TP63: variants seen among roughly 807,000 people sequenced by gnomAD.
TP63 encodes tumor protein 63.
In TP63, 17 loss-of-function variants were observed where a neutral mutation model predicts 82.8. The ratio of observed to expected loss-of-function variants is 0.21; its 90% confidence interval spans 0.14 to 0.31. The LOEUF (loss-of-function observed/expected upper bound fraction) is 0.31, where lower values mean the gene tolerates loss of function less well. Ranked by LOEUF, TP63 falls within the 10% of genes least tolerant of loss-of-function variation. The pLI, the probability that TP63 is intolerant of heterozygous loss-of-function variation, is 1.00. For missense variants in TP63, 648 were observed against 895.3 expected, an observed-to-expected ratio of 0.72 and a Z score of 3.52; for synonymous variants, 330 against 321.7, an observed-to-expected ratio of 1.03 and a Z score of -0.28.
chr3:189,749,087 A>T (rs944786598), intron 3 of TP63, among the ~76,000 whole-genome samples: 1 of 152,140 alleles, frequency 6.6e-6, no homozygotes, highest in Non-Finnish European at 1.5e-5. Flanking sequence ...AGAAGAAAAC[A>T]TAGAACACTT....
chr3:189,744,215 G>T, intron 3 of TP63, among the ~76,000 whole-genome samples: 1 of 152,260 alleles, frequency 6.6e-6, no homozygotes, highest in East Asian at 1.9e-4. Flanking sequence ...ATTTTCATGT[G>T]CCTCAGGACA....
intron 3 of TP63, among the ~76,000 whole-genome samples, chr3:189,796,825 T>C (rs558004047): frequency 6.6e-6 from 1 of 152,206 alleles, no homozygotes; most frequent in Admixed American, 6.5e-5. Context: ...ATTATAAATT[T>C]CTTATTTCTA....
chr3:189,682,575 T>A (rs200215742), intron 1 of TP63, among the ~76,000 whole-genome samples: 1,734 of 61,560 alleles, frequency 0.028, 52 homozygotes, highest in Middle Eastern at 0.079. Flanking sequence ...TATATATATA[T>A]ATATATATAT....
chr3:189,847,589 T>G (rs184607761), intron 4 of TP63, among the ~76,000 whole-genome samples: 172 of 152,290 alleles, frequency 1.1e-3, no homozygotes, highest in Admixed American at 0.011. Context: ...TCACAGTATT[T>G]TATTTCTGAT....
chr3:189,813,766 A>G (rs1201157598), intron 4 of TP63, among the ~76,000 whole-genome samples: 1 of 152,218 alleles, frequency 6.6e-6, no homozygotes, highest in Non-Finnish European at 1.5e-5. Flanking sequence ...TCCAGCACAC[A>G]GTAAACCTTT....
chr3:189,667,830 A>G (rs149625368), intron 1 of TP63, among the ~76,000 whole-genome samples: 5,870 of 152,214 alleles, frequency 0.039, 142 homozygotes, highest in Middle Eastern at 0.054. Flanking sequence ...CCTGGTCCCT[A>G]TAATCTCTGT....
rs1721439540 is a variant in TP63 at position 189,896,012 on chromosome 3, A to G, written c.*1510A>G. 4.4e-6 allele frequency: 1 copy of G among 229,422 alleles called. No homozygotes were observed. Among genetic ancestry groups the G allele is most frequent in the African/African-American group, 2.2e-5 (1 of 45,120 alleles). The allele number at this position is 229,422 out of a possible 1,614,324, so 14.2% of individuals were successfully genotyped here. ...AGTCTTTCATGGCTGCTGTTGCTTAAACCACTTAAACGAAGAGTTCCCTTG... is the reference window on the plus strand; with the variant it reads ...AGTCTTTCATGGCTGCTGTTGCTTAGACCACTTAAACGAAGAGTTCCCTTG... On this transcript the variant is annotated 3_prime_UTR_variant, in exon 14 of 14. Transcript: ENST00000264731.
intron 10 of TP63, chr3:189,880,450 G>A (rs1719791330): frequency 9.4e-7 from 1 of 1,063,328 alleles, no homozygotes; most frequent in East Asian, 6.3e-5. Context: ...TTGTCTGTGA[G>A]CTTTCTGTTG....
intron 1 of TP63, among the ~76,000 whole-genome samples, chr3:189,717,752 C>CT: frequency 6.6e-6 from 1 of 152,172 alleles, no homozygotes; most frequent in Non-Finnish European, 1.5e-5. Flanking sequence ...AAGCCCTTTC[C>CT]TTTAAAGCAG....
chr3:189,688,944 C>T (rs1271888209), intron 1 of TP63, among the ~76,000 whole-genome samples: 4 of 151,998 alleles, frequency 2.6e-5, no homozygotes, highest in Non-Finnish European at 4.4e-5. Context: ...TTTACAATGG[C>T]AGCGACTAAG....
upstream of TP63, among the ~76,000 whole-genome samples, chr3:189,628,525 T>C (rs1729368543): frequency 6.6e-6 from 1 of 152,074 alleles, no homozygotes; most frequent in Admixed American, 6.6e-5. Flanking sequence ...CACCTTTCCT[T>C]CCTTAAGTAC....
rs73057211 is a variant in TP63, at chr3:189,785,492, T to C, written c.325-22780T>C. Among the ~76,000 whole-genome samples the C allele has an allele frequency of 4.6e-3, 701 of 152,206 alleles. 1 individual carries two copies. Among genetic ancestry groups the C allele is most frequent in the African/African-American group, 0.016 (663 of 41,540 alleles). ...TGCTTTTATTTATATTCATATAAAA[T>C]AAGAGAAGGTTTAACTTCAACTAGG... On this transcript the variant is annotated intron_variant, in intron 3 of 13. Coordinates refer to ENST00000264731, the MANE Select transcript of TP63 (RefSeq NM_003722.5).
At chr3:189,718,884 AC>A (rs1719161558) in intron 1 of TP63, among the ~76,000 whole-genome samples, 1 of 152,174 alleles carries the variant, frequency 6.6e-6, no homozygotes, top group African/African-American at 2.4e-5. Context: ...AAACAAAAAA[AC>A]AATGTAGCCT....
chr3:189,878,370 A>C (rs1181209028), intron 10 of TP63, among the ~76,000 whole-genome samples: 3 of 147,316 alleles, frequency 2.0e-5, no homozygotes, highest in Non-Finnish European at 4.5e-5. Context: ...GAACTACACA[A>C]GCTTTTACAG....
the TP63 span, among the ~76,000 whole-genome samples, chr3:189,619,141 T>A: frequency 1.3e-5 from 2 of 152,238 alleles, no homozygotes; most frequent in Non-Finnish European, 2.9e-5. Flanking sequence ...GGTATATTAT[T>A]CATGCTTTAC....
At chr3:189,710,740 CAG>C (rs1168870361) in intron 1 of TP63, among the ~76,000 whole-genome samples, 1 of 152,162 alleles carries the variant, frequency 6.6e-6, no homozygotes, top group African/African-American at 2.4e-5. Context: ...GGTGATTCAA[CAG>C]AGTCAGGGAA....
intron 3 of TP63, among the ~76,000 whole-genome samples, chr3:189,765,722 C>T (rs1015792658): frequency 6.6e-6 from 1 of 151,464 alleles, no homozygotes; most frequent in East Asian, 2.0e-4. Context: ...CGTGAGCCAC[C>T]GCGCCCGGCC....
intron 4 of TP63, among the ~76,000 whole-genome samples, chr3:189,844,656 A>G (rs568026009): frequency 6.6e-6 from 1 of 152,284 alleles, no homozygotes; most frequent in South Asian, 2.1e-4. Flanking sequence ...TTTTCAAGTG[A>G]GTTTTTTTGT....
intron 4 of TP63, among the ~76,000 whole-genome samples, chr3:189,824,834 TAAAA>T (rs75963451): frequency 7.2e-6 from 1 of 138,770 alleles, no homozygotes; most frequent in Non-Finnish European, 1.6e-5. Flanking sequence ...TTTGTAGGTT[TAAAA>T]AAAAAAAAAA....
Sources: allele counts gnomAD v4.1 joint callset (sites outside exome capture counted in the v4.1 genomes callset), GRCh38; gene constraint gnomAD v4.1.1; transcripts MANE v1.5; gene names NCBI Gene and HGNC (gene_info 2026-07-23, HGNC 2026-07-21).